Variants in RNF145 observed in about 807,000 individuals in gnomAD.
The protein encoded by RNF145 is ring finger protein 145.
RNF145 carries 12 observed loss-of-function variants against 57.3 expected under a neutral mutation model. The ratio of observed to expected loss-of-function variants is 0.21; its 90% CI spans 0.13 to 0.34. RNF145 has a LOEUF of 0.34. RNF145 is among the 10% of genes least tolerant of loss of function. The pLI is 1.00. For synonymous variants in RNF145, 262 were observed against 288.3 expected (o/e 0.91, Z 0.92); for missense variants, 429 against 799.0 (o/e 0.54, Z 5.58).
In RNF145 at chr5:159,169,671, G is replaced by A. The variant is rs1562051726; in HGVS notation, c.938+8C>T. On this transcript the variant is annotated splice_region_variant and intron_variant, in intron 7 of 10. Coordinates refer to ENST00000424310, the MANE Select transcript of RNF145 (RefSeq NM_001199383.2). ...ACATTTCTAGATATAATCAAGGAAA[G>A]AACTTACCGATTCATGGCAGGATCA... The A allele has an allele frequency of 1.3e-6, 2 of 1,587,870 alleles. No individual in the cohort carries two copies. The highest frequency in any genetic ancestry group is 4.5e-5 in the East Asian group (2 of 44,054).
rs1389311304 is a variant in RNF145, at chr5:159,165,397, T to C, written c.1122-2318A>G. Among the ~76,000 whole-genome samples, 2 of 115,060 alleles carry C rather than the reference T, an allele frequency of 1.7e-5. 1 individual carries two copies. Among genetic ancestry groups the C allele is most frequent in the Non-Finnish European group, 3.5e-5 (2 of 56,956 alleles). 75.5% of individuals were successfully genotyped at this position (115,060 alleles called of 152,430 possible). A position where few individuals can be genotyped will look rare whatever the true frequency, so the allele number is the denominator to read the frequency against. ...TTTTGTTTTTAACATAAAAATAATATCCTGGCCGGGCGCGGTGGCTCACGC... is the reference window on the plus strand; with the variant it reads ...TTTTGTTTTTAACATAAAAATAATACCCTGGCCGGGCGCGGTGGCTCACGC... On this transcript the variant is annotated intron_variant, in intron 8 of 10. Coordinates refer to ENST00000424310, the MANE Select transcript of RNF145 (RefSeq NM_001199383.2).
At chr5:159,170,261 T>C (rs965269149) in intron 6 of RNF145, among the ~76,000 whole-genome samples, 11 of 152,248 alleles carry the variant, frequency 7.2e-5, no homozygotes, top group Non-Finnish European at 1.3e-4. Flanking sequence ...ACCAAACTGC[T>C]ATGGAGCAGG....
rs1227059277 is a variant in RNF145, at chr5:159,163,061, G to T, written c.1140C>A (p.Phe380Leu). Residue 380 changes from phenylalanine to leucine, a missense_variant, in exon 9 of 11, where the codon TTC (phenylalanine) becomes TTA (leucine). Phe to Leu is a conservative substitution (Grantham distance 22). Transcript: ENST00000424310. Reference protein sequence around the residue: ...ASRDKSLWKHFRAVSLCLFLL... With the variant: ...ASRDKSLWKHLRAVSLCLFLL... ...AAAATAAACAAAGGCTTACAGCACG[G>T]AAGTGTTTCCACAAGCTCCTGGAGA... 1 of 1,599,444 alleles carries T rather than the reference G, an allele frequency of 6.3e-7. No homozygotes were observed. Among genetic ancestry groups the T allele is most frequent in the Non-Finnish European group, 8.5e-7 (1 of 1,176,476 alleles).
At chr5:159,191,639 A>C (rs1785293040) in intron 3 of RNF145, among the ~76,000 whole-genome samples, 1 of 152,130 alleles carries the variant, frequency 6.6e-6, no homozygotes, top group Non-Finnish European at 1.5e-5. Flanking sequence ...AAAAATACAA[A>C]AAATTAGCTG....
Position 159,161,958 on chromosome 5 carries a change from C to T in RNF145, c.1270-336G>A, listed in dbSNP as rs891014978. On this transcript the variant is annotated intron_variant, in intron 9 of 10. Transcript: ENST00000424310. ...CTTAGGTCACCAAACCTCATCAACT[C>T]CATCTTAATTTTCCTCATACCATAG... 2.0e-5 allele frequency among the ~76,000 whole-genome samples: 3 copies of T among 152,290 alleles called. No homozygotes were observed. In the East Asian group the frequency reaches 5.8e-4, roughly 29 times the overall value.
intron 4 of RNF145, among the ~76,000 whole-genome samples, chr5:159,179,190 T>C (rs1015434829): frequency 1.3e-5 from 2 of 152,006 alleles, no homozygotes; most frequent in African/African-American, 4.8e-5. Context: ...TCTTCTTTCA[T>C]AGAAGAATAT....
intron 6 of RNF145, among the ~76,000 whole-genome samples, chr5:159,172,602 T>C (rs1003522578): frequency 3.9e-5 from 6 of 152,242 alleles, no homozygotes; most frequent in African/African-American, 1.4e-4. Context: ...ACTTACTGCA[T>C]GTTTATAGAA....
At position 159,175,477 on chromosome 5, in the gene RNF145, A is replaced by G. The variant is rs142342005; in HGVS notation, c.621+1155T>C. Among the ~76,000 whole-genome samples, 145 of 152,110 alleles carry G rather than the reference A, an allele frequency of 9.5e-4. 1 individual carries two copies. Among genetic ancestry groups the G allele is most frequent in the African/African-American group, 3.0e-3 (123 of 41,562 alleles). On this transcript the variant is annotated intron_variant, in intron 5 of 10. Coordinates refer to ENST00000424310, the MANE Select transcript of RNF145 (RefSeq NM_001199383.2). ...TTATTCAATAAATATTTAATATTCA[A>G]TAAGTATTTACTGAATATTCATTAT...
At chr5:159,195,955 CA>C (rs1323420004) in intron 2 of RNF145, among the ~76,000 whole-genome samples, 3 of 152,184 alleles carry the variant, frequency 2.0e-5, no homozygotes, top group African/African-American at 7.2e-5. Flanking sequence ...CTCAGTGACT[CA>C]AAACCTGTCA....
intron 4 of RNF145, among the ~76,000 whole-genome samples, chr5:159,178,107 C>G (rs1319591625): frequency 1.3e-5 from 2 of 151,758 alleles, no homozygotes; most frequent in South Asian, 2.1e-4. Flanking sequence ...TAGTACCCAC[C>G]TTTAGTGCCA....
chr5:159,203,255 C>A (rs1039004878), intron 2 of RNF145, among the ~76,000 whole-genome samples, 179 bp downstream of exon 2: 3 of 152,054 alleles, frequency 2.0e-5, no homozygotes, highest in Non-Finnish European at 4.4e-5. Flanking sequence ...TTTCTTGTAG[C>A]CTTAATAATT....
At chr5:159,192,862 G>C (rs955611354) in intron 3 of RNF145, among the ~76,000 whole-genome samples, 2 of 152,190 alleles carry the variant, frequency 1.3e-5, no homozygotes, top group Non-Finnish European at 2.9e-5. Context: ...TTATAAAATA[G>C]AACAGTTACT....
intron 6 of RNF145, among the ~76,000 whole-genome samples, chr5:159,170,215 A>G (rs1019318658): frequency 2.6e-5 from 4 of 152,214 alleles, no homozygotes; most frequent in Non-Finnish European, 4.4e-5. Context: ...ACTGTGCTAC[A>G]TTATAATATG....
At chr5:159,185,460 G>A (rs1321589902) in intron 3 of RNF145, among the ~76,000 whole-genome samples, 1 of 152,204 alleles carries the variant, frequency 6.6e-6, no homozygotes, top group Non-Finnish European at 1.5e-5. Flanking sequence ...GGTATCTCAT[G>A]CTGGCATTGA....
At chr5:159,195,807 A>G (rs942191029) in intron 2 of RNF145, among the ~76,000 whole-genome samples, 1 of 152,248 alleles carries the variant, frequency 6.6e-6, no homozygotes, top group Non-Finnish European at 1.5e-5. Flanking sequence ...ATAACTTATT[A>G]TACAGGCAAA....
chr5:159,166,889 T>C lies in RNF145; in HGVS notation c.1121+1984A>G, dbSNP rs1297944506. 2.6e-5 allele frequency among the ~76,000 whole-genome samples: 4 copies of C among 152,122 alleles called. No individual in the cohort carries two copies. In the South Asian group the frequency reaches 6.2e-4, roughly 24 times the overall value. On this transcript the variant is annotated intron_variant, in intron 8 of 10. Transcript: ENST00000424310. ...CATGTGTCCCAGCTCCACAGAAGGC[T>C]GAGGCAGGAGGACTGCTTGAGCCCA...
chr5:159,192,180 T>C (rs926233257), intron 3 of RNF145, among the ~76,000 whole-genome samples: 2 of 152,084 alleles, frequency 1.3e-5, no homozygotes, highest in South Asian at 2.1e-4. Context: ...AATCCAGAGA[T>C]GAATTAAAGT....
intron 8 of RNF145, among the ~76,000 whole-genome samples, chr5:159,164,639 A>C (rs1160000233): frequency 6.6e-6 from 1 of 152,164 alleles, no homozygotes; most frequent in African/African-American, 2.4e-5. Flanking sequence ...ATTTCAAATA[A>C]AATATAAAAA....
intron 4 of RNF145, among the ~76,000 whole-genome samples, chr5:159,177,681 T>C (rs1784760936): frequency 1.3e-5 from 2 of 152,036 alleles, no homozygotes; most frequent in Non-Finnish European, 2.9e-5. Flanking sequence ...TAGGAATTAC[T>C]GAATCAGAAA....
Sources: allele counts gnomAD v4.1 joint callset (sites outside exome capture counted in the v4.1 genomes callset), GRCh38; gene constraint gnomAD v4.1.1; transcripts MANE v1.5; gene names NCBI Gene and HGNC (gene_info 2026-07-23, HGNC 2026-07-21).